The following KIF16B variants were observed in gnomAD, a reference collection of about 807,000 sequenced individuals.
The protein encoded by KIF16B is kinesin-like protein KIF16B.
In KIF16B, 98 loss-of-function variants were observed where a neutral mutation model predicts 156.3. That is an observed-to-expected ratio of 0.63 (90% confidence interval 0.53 to 0.74). The LOEUF (loss-of-function observed/expected upper bound fraction) is 0.74, where lower values mean the gene tolerates loss of function less well. Ranked by LOEUF, KIF16B falls within the 30% of genes least tolerant of loss-of-function variation. KIF16B has a pLI of 0.00. For synonymous variants in KIF16B, 564 were observed against 583.7 expected (o/e 0.97, Z 0.49); for missense variants, 1,421 against 1,606.5 (o/e 0.88, Z 1.97).
intron 12 of KIF16B, among the ~76,000 whole-genome samples, chr20:16,459,229 C>T (rs553249610): frequency 6.6e-6 from 1 of 152,292 alleles, no homozygotes; most frequent in East Asian, 1.9e-4. Flanking sequence ...TATAGAGAGG[C>T]ATGAAATGTA....
intron 10 of KIF16B, among the ~76,000 whole-genome samples, chr20:16,501,039 T>C (rs1166355206): frequency 6.6e-6 from 1 of 152,142 alleles, no homozygotes; most frequent in African/African-American, 2.4e-5. Flanking sequence ...CATTTAAATA[T>C]AATAAAAGAG....
chr20:16,369,794 C>G (rs1299902964), intron 22 of KIF16B, among the ~76,000 whole-genome samples: 1 of 152,178 alleles, frequency 6.6e-6, no homozygotes, highest in Non-Finnish European at 1.5e-5. Flanking sequence ...TATCATTACT[C>G]TTATCTACAA....
intron 24 of KIF16B, among the ~76,000 whole-genome samples, chr20:16,323,395 G>A (rs1329819): frequency 0.85 from 129,573 of 151,908 alleles, 55,809 homozygotes; most frequent in East Asian, 1. Flanking sequence ...AATAATAAAA[G>A]CTCATCAAAA....
chr20:16,330,746 T>C (rs758674319), intron 24 of KIF16B, among the ~76,000 whole-genome samples: 5 of 152,196 alleles, frequency 3.3e-5, no homozygotes, highest in African/African-American at 7.2e-5. Flanking sequence ...AAATGACAGC[T>C]GTCTGGTGGG....
At chr20:16,514,136 A>G (rs2069054865) in intron 4 of KIF16B, among the ~76,000 whole-genome samples, 1 of 152,206 alleles carries the variant, frequency 6.6e-6, no homozygotes. Flanking sequence ...GTGCTTTATA[A>G]ATGTTTGACT....
At chr20:16,353,577 TGA>T (rs2064380702) in intron 23 of KIF16B, among the ~76,000 whole-genome samples, 1 of 151,214 alleles carries the variant, frequency 6.6e-6, no homozygotes, top group Admixed American at 6.6e-5. Flanking sequence ...ACCAACCCAA[TGA>T]GGGGGGGGTT....
chr20:16,316,214 C>T (rs944246189), intron 24 of KIF16B, among the ~76,000 whole-genome samples: 10 of 152,200 alleles, frequency 6.6e-5, no homozygotes, highest in Admixed American at 1.3e-4. Context: ...CTGCTAGGGT[C>T]GCTTCATTTT....
chr20:16,464,602 G>A (rs761913586), intron 12 of KIF16B, among the ~76,000 whole-genome samples: 4 of 152,186 alleles, frequency 2.6e-5, no homozygotes, highest in Admixed American at 2.0e-4. Flanking sequence ...CAGTCAAGGC[G>A]GTACACAGTT....
rs1256332376 is a variant in KIF16B, at chr20:16,476,865, C to T, written c.1302+17426G>A. 3.9e-5 allele frequency among the ~76,000 whole-genome samples: 6 copies of T among 152,168 alleles called. No homozygotes were observed. The South Asian group carries it at 6.2e-4, about 16-fold the overall frequency. ...CCTCCGCCTCCCAGGTTCAAGTGATCCTCCTGCCTCAGCCTCCCGAGTAGC... is the reference window on the plus strand; with the variant it reads ...CCTCCGCCTCCCAGGTTCAAGTGATTCTCCTGCCTCAGCCTCCCGAGTAGC... On this transcript the variant is annotated intron_variant, in intron 12 of 25. Transcript: ENST00000354981.
chr20:16,295,511 TCTA>T (rs1284425677), intron 25 of KIF16B, among the ~76,000 whole-genome samples: 1 of 150,466 alleles, frequency 6.6e-6, no homozygotes, highest in African/African-American at 2.4e-5. Context: ...TTATATATAA[TCTA>T]CTGACACTTA....
Position 16,408,803 on chromosome 20 carries a change from T to C in KIF16B, c.1613-2347A>G, listed in dbSNP as rs1025480399. On this transcript the variant is annotated intron_variant, in intron 15 of 25. Transcript: ENST00000354981. ...TAATGTTTGAGTCAACTGTCTGGCA[T>C]GTTAAAAGGGGTCCATTAAGGCTGG... Among the ~76,000 whole-genome samples the C allele has an allele frequency of 2.4e-4, 36 of 152,140 alleles. 1 individual carries two copies. The highest frequency in any genetic ancestry group is 8.7e-4 in the African/African-American group (36 of 41,454).
chr20:16,376,094 G>T (rs2064944277), intron 19 of KIF16B, among the ~76,000 whole-genome samples: 1 of 152,178 alleles, frequency 6.6e-6, no homozygotes, highest in African/African-American at 2.4e-5. Context: ...AAATGACAAT[G>T]CACACACAGC....
intron 17 of KIF16B, among the ~76,000 whole-genome samples, chr20:16,399,565 C>T (rs2065596909): frequency 6.6e-6 from 1 of 152,178 alleles, no homozygotes; most frequent in African/African-American, 2.4e-5. Flanking sequence ...GATTTGCCTT[C>T]ATCTTCCAAG....
intron 12 of KIF16B, among the ~76,000 whole-genome samples, chr20:16,453,219 A>G (rs1161279473): frequency 6.6e-6 from 1 of 152,088 alleles, no homozygotes; most frequent in African/African-American, 2.4e-5. Context: ...GCAGTGAGCT[A>G]TGATCATACC....
chr20:16,526,952 T>C (rs1013480339), intron 2 of KIF16B, among the ~76,000 whole-genome samples: 1 of 152,148 alleles, frequency 6.6e-6, no homozygotes, highest in African/African-American at 2.4e-5. Flanking sequence ...TACTCAAACA[T>C]CAGATGATAA....
intron 17 of KIF16B, among the ~76,000 whole-genome samples, chr20:16,391,849 C>G (rs995420583): frequency 3.3e-5 from 5 of 152,158 alleles, no homozygotes; most frequent in Non-Finnish European, 7.4e-5. Context: ...GAGATCCCCA[C>G]CTGGCTGACC....
At chr20:16,303,053 G>A (rs1257692727) in intron 25 of KIF16B, among the ~76,000 whole-genome samples, 2 of 151,970 alleles carry the variant, frequency 1.3e-5, no homozygotes, top group African/African-American at 2.4e-5. Flanking sequence ...TATACTGTAA[G>A]TCACTACAAC....
chr20:16,313,784 C>A (rs2063656777), intron 24 of KIF16B, among the ~76,000 whole-genome samples: 1 of 152,172 alleles, frequency 6.6e-6, no homozygotes, highest in African/African-American at 2.4e-5. Flanking sequence ...ATTTTCACTG[C>A]AGTACAGTAT....
chr20:16,494,390 A>T (rs1163067040), intron 11 of KIF16B, 40 bp from the exon 12 acceptor site: 9 of 1,322,112 alleles, frequency 6.8e-6, no homozygotes, highest in Non-Finnish European at 9.6e-6. Flanking sequence ...CTTCATAAAG[A>T]AAGTTTATAA....
Sources: gnomAD v4.1 joint callset for allele counts (sites outside exome capture counted in the v4.1 genomes callset) on GRCh38, gnomAD v4.1.1 for gene constraint, MANE v1.5 for transcripts, NCBI Gene and HGNC (gene_info 2026-07-23, HGNC 2026-07-21) for gene names.